The following RBFOX2 variants were observed in gnomAD, a reference collection of about 807,000 sequenced individuals.
RBFOX2 encodes RNA binding fox-1 homolog 2.
Under a neutral mutation model 49.1 loss-of-function variants are expected in RBFOX2, and 10 were observed. The ratio of observed to expected loss-of-function variants is 0.20; its 90% CI spans 0.13 to 0.35. The LOEUF (loss-of-function observed/expected upper bound fraction) is 0.35, where lower values mean the gene tolerates loss of function less well. Among genes scored for constraint, RBFOX2 ranks in the 10% least tolerant of loss-of-function variants. The pLI is 1.00. For synonymous variants in RBFOX2, 183 were observed against 187.4 expected (o/e 0.98, Z 0.19); for missense variants, 323 against 486.9 (o/e 0.66, Z 3.17).
chr22:35,753,909 A>C (rs1935951143), intron 9 of RBFOX2, among the ~76,000 whole-genome samples: 1 of 150,858 alleles, frequency 6.6e-6, no homozygotes, highest in African/African-American at 2.4e-5. Context: ...TGGCCTCCCA[A>C]GTAGCTGAAA....
At chr22:35,958,567 C>A (rs1051185042) in intron 1 of RBFOX2, among the ~76,000 whole-genome samples, 1 of 152,190 alleles carries the variant, frequency 6.6e-6, no homozygotes, top group Non-Finnish European at 1.5e-5. Context: ...CCACCTACTA[C>A]TAGTGTCCTC....
intron 1 of RBFOX2, among the ~76,000 whole-genome samples, chr22:35,927,342 C>G (rs948036963): frequency 6.6e-6 from 1 of 152,140 alleles, no homozygotes; most frequent in African/African-American, 2.4e-5. Flanking sequence ...CAGTGGCTCA[C>G]GCCTATAATC....
chr22:35,867,140 C>T (rs2043788360), intron 1 of RBFOX2, among the ~76,000 whole-genome samples: 1 of 152,094 alleles, frequency 6.6e-6, no homozygotes, highest in Non-Finnish European at 1.5e-5. Context: ...AATAGTACAG[C>T]AAATGTGGCA....
intron 1 of RBFOX2, among the ~76,000 whole-genome samples, chr22:35,975,456 G>C (rs935336709): frequency 2.6e-5 from 4 of 152,118 alleles, no homozygotes; most frequent in Non-Finnish European, 5.9e-5. Flanking sequence ...CAAAGTTAAG[G>C]AAAGATTAAG....
intron 1 of RBFOX2, among the ~76,000 whole-genome samples, chr22:35,863,513 G>A (rs9619574): frequency 0.1 from 15,596 of 152,086 alleles, 1,512 homozygotes; most frequent in African/African-American, 0.26. Flanking sequence ...TTCTTGGATT[G>A]TGTTCACTAT....
intron 9 of RBFOX2, among the ~76,000 whole-genome samples, chr22:35,754,003 G>C (rs1046622659): frequency 1.3e-5 from 2 of 149,820 alleles, no homozygotes; most frequent in Non-Finnish European, 1.5e-5. Context: ...GGCTGGTCTC[G>C]TACTCCTGAC....
chr22:36,000,071 GCTCA>G (rs957285448), intron 1 of RBFOX2: 1 of 148,162 alleles, frequency 6.7e-6, no homozygotes, highest in African/African-American at 2.5e-5. Flanking sequence ...CACGATCTCA[GCTCA>G]CTGTTACCTC....
At chr22:35,779,155 G>A (rs1315726845) in intron 3 of RBFOX2, among the ~76,000 whole-genome samples, 1 of 152,168 alleles carries the variant, frequency 6.6e-6, no homozygotes, top group Non-Finnish European at 1.5e-5. Flanking sequence ...TGACTAGAGG[G>A]TTACACAAAA....
chr22:35,904,812 A>G (rs907902968), intron 1 of RBFOX2, among the ~76,000 whole-genome samples: 15 of 152,230 alleles, frequency 9.9e-5, no homozygotes, highest in Non-Finnish European at 1.8e-4. Flanking sequence ...TCTAACACGC[A>G]GCCAGCTGTC....
chr22:35,769,071 A>C (rs1225850134), intron 4 of RBFOX2, among the ~76,000 whole-genome samples: 1 of 152,204 alleles, frequency 6.6e-6, no homozygotes, highest in Non-Finnish European at 1.5e-5. Flanking sequence ...CCAGATTGAC[A>C]CTTAGAGTAA....
intron 1 of RBFOX2, among the ~76,000 whole-genome samples, chr22:36,023,928 A>G (rs549543557): frequency 3.9e-5 from 6 of 152,288 alleles, no homozygotes; most frequent in Admixed American, 3.9e-4. Context: ...GGCGTTTCCT[A>G]AACTCCATTT....
At chr22:35,794,931 G>A (rs897095050) in intron 2 of RBFOX2, among the ~76,000 whole-genome samples, 6 of 152,186 alleles carry the variant, frequency 3.9e-5, no homozygotes, top group Non-Finnish European at 4.4e-5. Context: ...GGCATGCAAA[G>A]AGAAGAAGCA....
chr22:35,753,990 C>T (rs1323531061), intron 9 of RBFOX2, among the ~76,000 whole-genome samples: 2 of 151,096 alleles, frequency 1.3e-5, no homozygotes, highest in Non-Finnish European at 2.9e-5. Flanking sequence ...GCCATCTTGG[C>T]CAGGCTGGTC....
chr22:36,002,910 G>A (rs1240434483), intron 1 of RBFOX2, among the ~76,000 whole-genome samples: 4 of 152,254 alleles, frequency 2.6e-5, no homozygotes. Context: ...ATAGGCATGA[G>A]CCACCACGCC....
intron 2 of RBFOX2, among the ~76,000 whole-genome samples, chr22:35,792,177 C>T (rs1369689757): frequency 6.6e-6 from 1 of 151,362 alleles, no homozygotes; most frequent in Non-Finnish European, 1.5e-5. Context: ...ATTAGGTAGG[C>T]GTGGCAGTGG....
At chr22:35,767,447 C>A (rs1286294306) in intron 5 of RBFOX2, among the ~76,000 whole-genome samples, 1 of 151,870 alleles carries the variant, frequency 6.6e-6, no homozygotes, top group Non-Finnish European at 1.5e-5. Context: ...AAATGCTAAA[C>A]CATTGGAAAG....
At chr22:35,886,613 T>C (rs991376656) in intron 1 of RBFOX2, among the ~76,000 whole-genome samples, 5 of 152,208 alleles carry the variant, frequency 3.3e-5, no homozygotes, top group Non-Finnish European at 5.9e-5. Context: ...AGGTGACTAC[T>C]GAATACTCTA....
intron 1 of RBFOX2, among the ~76,000 whole-genome samples, chr22:35,902,627 C>T (rs938964613): frequency 6.6e-6 from 1 of 151,904 alleles, no homozygotes; most frequent in Non-Finnish European, 1.5e-5. Context: ...CTACTCTCAG[C>T]TAATTTTCTT....
chr22:35,961,793 T>C (rs1205970648), upstream of RBFOX2: 1 of 1,093,492 alleles, frequency 9.1e-7, no homozygotes, highest in African/African-American at 1.6e-5. Flanking sequence ...GAACCTGAGC[T>C]AAATTTAGCT....
Sources: gnomAD v4.1 joint callset for allele counts (sites outside exome capture counted in the v4.1 genomes callset) on GRCh38, gnomAD v4.1.1 for gene constraint, MANE v1.5 for transcripts, NCBI Gene and HGNC (gene_info 2026-07-23, HGNC 2026-07-21) for gene names.